The following PYROXD1 variants were observed in gnomAD, a reference collection of about 807,000 sequenced individuals.
The protein encoded by PYROXD1 is tRNA ligase complex-associated NAD(P)H dehydrogenase PYROXD1.
Under a neutral mutation model 62.0 loss-of-function variants are expected in PYROXD1, and 42 were observed. That is an observed-to-expected ratio of 0.68 (90% CI 0.53 to 0.88). The LOEUF (loss-of-function observed/expected upper bound fraction) is 0.88. Among genes scored for constraint, PYROXD1 ranks in the 40% least tolerant of loss-of-function variants. The pLI is 0.00. For synonymous variants in PYROXD1, 170 were observed against 206.4 expected (o/e 0.82, Z 1.51); for missense variants, 493 against 604.8 (o/e 0.82, Z 1.94).
chr12:21,470,998 C>T lies in PYROXD1; in HGVS notation c.*2244C>T, dbSNP rs765830143. ...AAAGAGTTCTGCGTGGACTTTGTCA[C>T]TTGCATAGTAATAGCATGTGCCTCA... On this transcript the variant is annotated 3_prime_UTR_variant, in exon 12 of 12. Transcript: ENST00000240651. 1.9e-6 allele frequency: 3 copies of T among 1,566,618 alleles called. No homozygotes were observed. The highest frequency in any genetic ancestry group is 1.2e-5 in the South Asian group (1 of 82,916).
intron 5 of PYROXD1, among the ~76,000 whole-genome samples, chr12:21,453,190 ATTG>A (rs1942533570): frequency 6.6e-6 from 1 of 152,026 alleles, no homozygotes; most frequent in Non-Finnish European, 1.5e-5. Context: ...TATTATTATA[ATTG>A]TTATTTACAT....
rs149136683 is a variant in PYROXD1, at chr12:21,449,927, G to A, written c.414+236G>A. Among the ~76,000 whole-genome samples the A allele has an allele frequency of 0.019, 2,914 of 150,128 alleles. 47 individuals are homozygous for A. The highest frequency in any genetic ancestry group is 0.034 in the Middle Eastern group (10 of 290). On this transcript the variant is annotated intron_variant, in intron 4 of 11. Transcript: ENST00000240651. The stretch of plus-strand genomic sequence containing the variant: ...GGCTGGAGTGCAGTGGCGCAGTCTC[G>A]GCTCACTGCAAGCTCCGCCTCCCAG...
At chr12:21,462,977 C>A in intron 10 of PYROXD1, 115 bp downstream of exon 10, 4 of 930,270 alleles carry the variant, frequency 4.3e-6, no homozygotes, top group South Asian at 2.0e-5. Context: ...AAGTAGGAAG[C>A]TAGCACAGTT....
chr12:21,468,745 T>C lies in PYROXD1; in HGVS notation c.1494T>C (p.Tyr498=). 2 of 1,603,286 alleles carry C rather than the reference T, an allele frequency of 1.2e-6. No homozygotes were observed. The highest frequency in any genetic ancestry group is 2.2e-5 in the South Asian group (2 of 89,858). ...ATCCAAATATTGATATAGAAGATTATTTTGACTAAAAATGGAATTTCTTCA... is the reference window on the plus strand; with the variant it reads ...ATCCAAATATTGATATAGAAGATTACTTTGACTAAAAATGGAATTTCTTCA... ...LLDPNIDIED[Y]FD The change falls in exon 12 of 12, where the codon TAT becomes TAC. Residue 498 remains tyrosine, a synonymous_variant. Coordinates refer to ENST00000240651, the MANE Select transcript of PYROXD1 (RefSeq NM_024854.5).
At chr12:21,457,079 C>G (rs989961344) in intron 7 of PYROXD1, 1 of 285,314 alleles carries the variant, frequency 3.5e-6, no homozygotes. Flanking sequence ...TCAAAGTCAT[C>G]CATGAAGGTT....
In PYROXD1 at chr12:21,449,600, A is replaced by G. The variant is rs1444242786; in HGVS notation, c.323A>G (p.Lys108Arg). Residue 108 changes from lysine (K) to arginine (R), a missense_variant, in exon 4 of 12, where the codon AAG (lysine) becomes AGG (arginine). By Grantham distance (26) the Lys-to-Arg change is conservative. This residue lies in a region of PYROXD1 where 164 missense variants were observed against 158.2 expected (regional missense o/e 1.04). Transcript: ENST00000240651. ...GAAGATGGCAATCAGCACGTATATA[A>G]GAAACTCTGTCTGTGTGCTGGAGCT... The part of the protein sequence containing the change: ...VTEDGNQHVY[K>R]KLCLCAGAKP... 5.0e-6 allele frequency: 8 copies of G among 1,613,348 alleles called. No homozygotes were observed. Among genetic ancestry groups the G allele is most frequent in the Non-Finnish European group, 5.9e-6 (7 of 1,179,518 alleles).
At chr12:21,458,776 A>G (rs1159432221) in intron 7 of PYROXD1, among the ~76,000 whole-genome samples, 2 of 152,224 alleles carry the variant, frequency 1.3e-5, no homozygotes, top group East Asian at 3.9e-4. Context: ...ACTGTGTTAG[A>G]TGGGTGTGGT....
chr12:21,464,154 A>AT lies in PYROXD1; in HGVS notation c.1116+1297dup, dbSNP rs1227937352. Among the ~76,000 whole-genome samples, 19 of 148,722 alleles carry AT rather than the reference A, an allele frequency of 1.3e-4. No individual in the cohort carries two copies. The East Asian group carries it at 3.3e-3, about 26-fold the overall frequency. The stretch of plus-strand genomic sequence containing the variant: ...GTTTATGGGTTTTTTTTTTTTTAAC[A>AT]TTTTTAATTCTCTAGGGTAAATTAT... On this transcript the variant is annotated intron_variant, in intron 10 of 11. Transcript: ENST00000240651.
intron 9 of PYROXD1, 146 bp from the exon 10 acceptor site, chr12:21,462,594 G>A: frequency 1.2e-6 from 1 of 806,590 alleles, no homozygotes; most frequent in South Asian, 1.7e-5. Context: ...ATTCAGCTCA[G>A]GTGTCTAAAC....
chr12:21,459,303 G>A (rs1942652713), intron 7 of PYROXD1, among the ~76,000 whole-genome samples: 1 of 152,184 alleles, frequency 6.6e-6, no homozygotes, highest in Non-Finnish European at 1.5e-5. Context: ...AAAGGACTGG[G>A]TTTGGAGAGC....
Position 21,445,452 on chromosome 12 carries a change from A to G in PYROXD1, c.271A>G (p.Lys91Glu). The G allele has an allele frequency of 6.3e-7, 1 of 1,596,332 alleles. No individual in the cohort carries two copies. The highest frequency in any genetic ancestry group is 8.5e-7 in the Non-Finnish European group (1 of 1,175,346). Reference sequence around the variant, plus strand: ...TATAGAATCTGGCGTAAAGCAACTGAAGAGTGAAGAACACGTAAGATAATT... The same window carrying G: ...TATAGAATCTGGCGTAAAGCAACTGGAGAGTGAAGAACACGTAAGATAATT... ...KVIESGVKQL[K>E]SEEHCIVTED... Residue 91 changes from lysine (K) to glutamate (E), a missense_variant, in exon 3 of 12, where the codon AAG becomes GAG. Physicochemically the swap from Lys to Glu is moderately conservative, Grantham distance 56. Transcript: ENST00000240651.
intron 3 of PYROXD1, among the ~76,000 whole-genome samples, chr12:21,447,314 G>A (rs1435812170): frequency 3.9e-5 from 6 of 152,140 alleles, no homozygotes; most frequent in Non-Finnish European, 8.8e-5. Flanking sequence ...TAAAAAATCT[G>A]AATCCCCAAA....
chr12:21,455,091 ACTTTTGAAATCACT>A (rs1276250355), intron 5 of PYROXD1, 27 bp from the exon 6 acceptor site: 1 of 1,230,812 alleles, frequency 8.1e-7, no homozygotes, highest in Non-Finnish European at 1.1e-6. Flanking sequence ...TTTTACTTAG[ACTTTTGAAATCACT>A]CTTAGTAACT....
intron 3 of PYROXD1, chr12:21,448,053 G>A (rs148607499): frequency 2.1e-4 from 113 of 538,756 alleles, no homozygotes; most frequent in African/African-American, 1.8e-3. Context: ...GACCTCATTG[G>A]TTTCATTCTC....
chr12:21,461,764 A>C (rs547565829), intron 8 of PYROXD1, among the ~76,000 whole-genome samples: 204 of 152,344 alleles, frequency 1.3e-3, no homozygotes, highest in Non-Finnish European at 2.6e-3. Flanking sequence ...TATGTGTCCA[A>C]ATTTGAAGGA....
rs556000534 is a variant in PYROXD1 at position 21,457,109 on chromosome 12, C to T, written c.750+1014C>T. 2.7e-3 allele frequency: 740 copies of T among 276,702 alleles called. 4 individuals carry two copies. Among genetic ancestry groups the T allele is most frequent in the African/African-American group, 0.016 (692 of 44,048 alleles). 17.1% of individuals were successfully genotyped at this position (276,702 alleles called of 1,614,324 possible). On this transcript the variant is annotated intron_variant, in intron 7 of 11. Coordinates refer to ENST00000240651, the MANE Select transcript of PYROXD1 (RefSeq NM_024854.5). The stretch of plus-strand genomic sequence containing the variant: ...AAGGTTGGAGTAAACTTCTTTCAAG[C>T]TTTTGTTAATGTTGATATTTTGACT...
At chr12:21,453,424 C>G (rs964931910) in intron 5 of PYROXD1, among the ~76,000 whole-genome samples, 6 of 151,894 alleles carry the variant, frequency 4.0e-5, no homozygotes, top group Admixed American at 1.3e-4. Flanking sequence ...CTTGGCATAC[C>G]CATACCCTTT....
At chr12:21,461,240 C>T in intron 8 of PYROXD1, 86 bp downstream of exon 8, 1 of 828,046 alleles carries the variant, frequency 1.2e-6, no homozygotes, top group Non-Finnish European at 1.7e-6. Context: ...TTAAAAATAA[C>T]TTCGTATTTC....
At chr12:21,466,731 G>C (rs1453258194) in intron 10 of PYROXD1, among the ~76,000 whole-genome samples, 2 of 152,108 alleles carry the variant, frequency 1.3e-5, no homozygotes, top group Non-Finnish European at 2.9e-5. Flanking sequence ...GGGCATCCCT[G>C]TCTTATGCCA....
Sources: gnomAD v4.1 joint callset for allele counts (sites outside exome capture counted in the v4.1 genomes callset) on GRCh38, gnomAD v4.1.1 for gene constraint, gnomAD v4.1.1 regional missense constraint, MANE v1.5 for transcripts, NCBI Gene and HGNC (gene_info 2026-07-23, HGNC 2026-07-21) for gene names.